Variants in GRAMD4 observed in about 807,000 individuals in gnomAD.
The protein encoded by GRAMD4 is GRAM domain-containing protein 4.
In GRAMD4, 25 loss-of-function variants were observed where a neutral mutation model predicts 83.9. The ratio of observed to expected loss-of-function variants is 0.30; its 90% CI spans 0.22 to 0.42. The LOEUF (loss-of-function observed/expected upper bound fraction) is 0.42. GRAMD4 is among the 10% of genes least tolerant of loss of function. The probability of loss-of-function intolerance (pLI) is 1.00; values close to 1 mark genes in which losing one functional copy is unlikely to be tolerated. For missense variants in GRAMD4, 593 were observed against 788.7 expected, an observed-to-expected ratio of 0.75 and a Z score of 2.97; for synonymous variants, 336 against 320.9, an observed-to-expected ratio of 1.05 and a Z score of -0.50.
chr22:46,645,508 G>A (rs992440244), intron 3 of GRAMD4, among the ~76,000 whole-genome samples: 6 of 152,148 alleles, frequency 3.9e-5, no homozygotes, highest in African/African-American at 7.2e-5. Context: ...GCATTTACCC[G>A]TTTGGGGCCT....
intron 10 of GRAMD4, 134 bp downstream of exon 10, chr22:46,667,007 A>C: frequency 1.7e-6 from 1 of 592,076 alleles, no homozygotes; most frequent in Non-Finnish European, 2.8e-6. Context: ...GCCTGGCCTG[A>C]AGAGGAGGGG....
Position 46,679,642 on chromosome 22 carries a change from T to G in GRAMD4, c.*2391T>G, listed in dbSNP as rs2082648063. The G allele has an allele frequency of 1.0e-6, 1 of 983,598 alleles. No homozygotes were observed. Among genetic ancestry groups the G allele is most frequent in the African/African-American group, 1.7e-5 (1 of 57,354 alleles). 60.9% of individuals were successfully genotyped at this position (983,598 alleles called of 1,614,324 possible). A position where few individuals can be genotyped will look rare whatever the true frequency, so the allele number is the denominator to read the frequency against. On this transcript the variant is annotated 3_prime_UTR_variant, in exon 19 of 19. Coordinates refer to ENST00000406902, the MANE Select transcript of GRAMD4 (RefSeq NM_015124.5). The stretch of plus-strand genomic sequence containing the variant: ...TAATCATTGCCAGTGTGACTTTTGT[T>G]CAACAAAAGGATTGTACTGTATTAA...
chr22:46,642,431 T>C (rs982036429), intron 3 of GRAMD4, among the ~76,000 whole-genome samples: 1 of 152,262 alleles, frequency 6.6e-6, no homozygotes, highest in Non-Finnish European at 1.5e-5. Context: ...TAAGTGCCTG[T>C]GTAACCTCAT....
intron 2 of GRAMD4, among the ~76,000 whole-genome samples, chr22:46,629,701 C>T (rs1008167457): frequency 6.6e-6 from 1 of 152,226 alleles, no homozygotes; most frequent in Non-Finnish European, 1.5e-5. Flanking sequence ...AAGTGTGCGA[C>T]TCAGGGGTTT....
intron 13 of GRAMD4, among the ~76,000 whole-genome samples, chr22:46,669,173 C>T (rs1426974024): frequency 6.6e-6 from 1 of 152,120 alleles, no homozygotes; most frequent in Non-Finnish European, 1.5e-5. Context: ...AGACCCAAGA[C>T]CCAGGATAGC....
chr22:46,682,722 C>G (rs1352983465), downstream of GRAMD4, among the ~76,000 whole-genome samples: 1 of 152,256 alleles, frequency 6.6e-6, no homozygotes, highest in African/African-American at 2.4e-5. Flanking sequence ...CTGCAATCCC[C>G]TTGCTGTTCC....
Position 46,660,222 on chromosome 22 carries a change from G to A in GRAMD4, c.405-1159G>A, listed in dbSNP as rs543139529. ...TCTGCCTTGGGAATGGGTGGGGAAT[G>A]GGCAGTGAAGGAACATCCAGGCTGT... is the stretch of plus-strand genomic sequence containing the variant. On this transcript the variant is annotated intron_variant, in intron 4 of 18. Coordinates refer to ENST00000406902, the MANE Select transcript of GRAMD4 (RefSeq NM_015124.5). Among the ~76,000 whole-genome samples the A allele has an allele frequency of 2.0e-5, 3 of 152,316 alleles. No individual in the cohort carries two copies. In the East Asian group the frequency reaches 5.8e-4, roughly 29 times the overall value.
intron 15 of GRAMD4, among the ~76,000 whole-genome samples, chr22:46,674,179 G>A (rs2082559106): frequency 6.6e-6 from 1 of 152,226 alleles, no homozygotes; most frequent in South Asian, 2.1e-4. Context: ...GCCACCAGGG[G>A]ACAGGTGACT....
chr22:46,583,775 G>A (rs1037711224), intron 1 of GRAMD4, among the ~76,000 whole-genome samples: 7 of 152,202 alleles, frequency 4.6e-5, no homozygotes, highest in Admixed American at 3.9e-4. Flanking sequence ...TGCTGACTTG[G>A]CCACCCACCT....
At chr22:46,578,489 C>T (rs1424765983) in intron 1 of GRAMD4, among the ~76,000 whole-genome samples, 1 of 152,172 alleles carries the variant, frequency 6.6e-6, no homozygotes, top group Non-Finnish European at 1.5e-5. Context: ...GTGATGTGGG[C>T]CTCCTCAGGC....
At chr22:46,628,092 A>T (rs1379440679) in intron 2 of GRAMD4, among the ~76,000 whole-genome samples, 1 of 152,110 alleles carries the variant, frequency 6.6e-6, no homozygotes, top group Admixed American at 6.5e-5. Context: ...CGATTCTCCG[A>T]TGGTGGTCTG....
intron 1 of GRAMD4, among the ~76,000 whole-genome samples, chr22:46,585,789 G>A (rs144800230): frequency 3.2e-4 from 48 of 152,316 alleles, no homozygotes; most frequent in Non-Finnish European, 5.1e-4. Context: ...TCCCTGGAGC[G>A]ATGAGGGAGG....
Position 46,677,370 on chromosome 22 carries a change from C to A in GRAMD4, c.*119C>A. The A allele has an allele frequency of 6.9e-7, 1 of 1,445,598 alleles. No homozygotes were observed. The highest frequency in any genetic ancestry group is 9.1e-7 in the Non-Finnish European group (1 of 1,102,836). 89.5% of individuals were successfully genotyped at this position (1,445,598 alleles called of 1,614,324 possible). A position where few individuals can be genotyped will look rare whatever the true frequency, so the allele number is the denominator to read the frequency against. On this transcript the variant is annotated 3_prime_UTR_variant, in exon 19 of 19. Coordinates refer to ENST00000406902, the MANE Select transcript of GRAMD4 (RefSeq NM_015124.5). ...CCTCATGAGCTTTTGCAATAATTCT[C>A]CTGGACCTGTGGTTCTATTGTGTTG...
Position 46,678,358 on chromosome 22 carries a change from C to T in GRAMD4, c.*1107C>T, listed in dbSNP as rs377261114. The T allele has an allele frequency of 1.0e-6, 1 of 985,318 alleles. No individual in the cohort carries two copies. The highest frequency in any genetic ancestry group is 6.1e-5 in the Admixed American group (1 of 16,278). 61.0% of individuals were successfully genotyped at this position (985,318 alleles called of 1,614,324 possible). ...GCCGACATGCGACAGCGTTCCCTCC[C>T]CCGCGTGCCTAGCCGGTGCCGGTCC... On this transcript the variant is annotated 3_prime_UTR_variant, in exon 19 of 19. Transcript: ENST00000406902.
At chr22:46,630,878 G>T (rs974306464) in intron 2 of GRAMD4, among the ~76,000 whole-genome samples, 1 of 89,224 alleles carries the variant, frequency 1.1e-5, no homozygotes, top group Non-Finnish European at 2.7e-5. Flanking sequence ...CCCGAGGGCC[G>T]TGTGCCCTCA....
At chr22:46,662,909 C>T (rs772185590) in intron 5 of GRAMD4, 131 bp from the exon 6 acceptor site, 48 of 766,142 alleles carry the variant, frequency 6.3e-5, no homozygotes, top group Admixed American at 1.4e-4. Context: ...GACCTACCCC[C>T]GAGCATTCCT....
Position 46,677,498 on chromosome 22 carries a change from T to C in GRAMD4, c.*247T>C. 3 of 1,274,218 alleles carry C rather than the reference T, an allele frequency of 2.4e-6. No homozygotes were observed. Among genetic ancestry groups the C allele is most frequent in the Non-Finnish European group, 3.0e-6 (3 of 1,005,962 alleles). The allele number at this position is 1,274,218 out of a possible 1,614,324, so 78.9% of individuals were successfully genotyped here. ...GTGCCTCTGAGGGCCACCCGCAGAC[T>C]GGGGGAGGGGGCAGAGGCCCTCGGG... On this transcript the variant is annotated 3_prime_UTR_variant, in exon 19 of 19. Coordinates refer to ENST00000406902, the MANE Select transcript of GRAMD4 (RefSeq NM_015124.5).
chr22:46,594,230 T>C (rs2147020494), intron 1 of GRAMD4, among the ~76,000 whole-genome samples: 1 of 150,702 alleles, frequency 6.6e-6, no homozygotes, highest in South Asian at 2.1e-4. Context: ...CCCACCACCC[T>C]ATGCACACCT....
At chr22:46,636,909 G>A (rs1055333762) in intron 2 of GRAMD4, among the ~76,000 whole-genome samples, 10 of 152,238 alleles carry the variant, frequency 6.6e-5, no homozygotes, top group African/African-American at 2.4e-5. Flanking sequence ...TGTGAGCTGG[G>A]GTTTTTGTGG....
Sources: allele counts gnomAD v4.1 joint callset (sites outside exome capture counted in the v4.1 genomes callset), GRCh38; gene constraint gnomAD v4.1.1; transcripts MANE v1.5; gene names NCBI Gene and HGNC (gene_info 2026-07-23, HGNC 2026-07-21).